ANKS1B: variants seen among roughly 807,000 people sequenced by gnomAD.
ANKS1B encodes the protein ankyrin repeat and sterile alpha motif domain containing 1B, also known as ankyrin repeat and sterile alpha motif domain-containing protein 1B.
Under a neutral mutation model 148.3 loss-of-function variants are expected in ANKS1B, and 36 were observed. The ratio of observed to expected loss-of-function variants is 0.24; its 90% CI spans 0.19 to 0.32. ANKS1B has a LOEUF of 0.32. Among genes scored for constraint, ANKS1B ranks in the 10% least tolerant of loss-of-function variants. ANKS1B has a pLI of 1.00. For synonymous variants in ANKS1B, 542 were observed against 560.8 expected (o/e 0.97, Z 0.47); for missense variants, 1,157 against 1,542.6 (o/e 0.75, Z 4.19).
chr12:99,502,585 A>T (rs1353409287), intron 10 of ANKS1B, among the ~76,000 whole-genome samples: 2 of 152,078 alleles, frequency 1.3e-5, no homozygotes, highest in East Asian at 3.9e-4. Flanking sequence ...AAGTTAGACA[A>T]CTCAAGGTCA....
intron 12 of ANKS1B, among the ~76,000 whole-genome samples, chr12:99,388,599 C>T (rs1029218803): frequency 6.6e-6 from 1 of 152,166 alleles, no homozygotes; most frequent in Non-Finnish European, 1.5e-5. Flanking sequence ...TAGTGGCTTA[C>T]AAGAGCATGC....
intron 1 of ANKS1B, among the ~76,000 whole-genome samples, chr12:99,964,880 C>T (rs781314151): frequency 1.3e-5 from 2 of 152,102 alleles, no homozygotes; most frequent in Admixed American, 6.5e-5. Flanking sequence ...AGGACATTAA[C>T]AGAAGGGAGG....
At chr12:99,394,689 C>T (rs1261937650) in intron 12 of ANKS1B, among the ~76,000 whole-genome samples, 1 of 152,184 alleles carries the variant, frequency 6.6e-6, no homozygotes, top group Non-Finnish European at 1.5e-5. Flanking sequence ...TTCCTTCTAT[C>T]TCACAGGTTG....
chr12:99,713,163 G>A (rs2056860158), intron 8 of ANKS1B, among the ~76,000 whole-genome samples: 1 of 152,010 alleles, frequency 6.6e-6, no homozygotes, highest in East Asian at 1.9e-4. Context: ...TTTATTCCTG[G>A]CTCCTATTGA....
At chr12:99,304,221 A>G (rs2082046832) in intron 12 of ANKS1B, among the ~76,000 whole-genome samples, 1 of 152,158 alleles carries the variant, frequency 6.6e-6, no homozygotes, top group South Asian at 2.1e-4. Flanking sequence ...ACTAGTTTAC[A>G]TTCCCACCAG....
At chr12:99,840,998 A>G (rs988483745) in intron 1 of ANKS1B, among the ~76,000 whole-genome samples, 1 of 152,158 alleles carries the variant, frequency 6.6e-6, no homozygotes, top group Non-Finnish European at 1.5e-5. Context: ...GTGGAATAGC[A>G]TAATGGATAA....
chr12:99,962,438 T>C (rs2095425991), intron 1 of ANKS1B, among the ~76,000 whole-genome samples: 2 of 152,200 alleles, frequency 1.3e-5, no homozygotes, highest in Non-Finnish European at 2.9e-5. Flanking sequence ...ACATTTTCTT[T>C]ATCCAGTCTA....
chr12:98,825,668 C>G (rs1032564596), intron 19 of ANKS1B, among the ~76,000 whole-genome samples: 6 of 149,990 alleles, frequency 4.0e-5, no homozygotes, highest in African/African-American at 1.5e-4. Flanking sequence ...TTTTTTTTTT[C>G]TTGCATGAGT....
chr12:99,358,042 C>T (rs1463568181), intron 12 of ANKS1B, among the ~76,000 whole-genome samples: 1 of 151,990 alleles, frequency 6.6e-6, no homozygotes, highest in East Asian at 1.9e-4. Flanking sequence ...CAATTTTCTA[C>T]TAACATAAGG....
At chr12:99,385,942 G>A (rs974346370) in intron 12 of ANKS1B, among the ~76,000 whole-genome samples, 3 of 152,128 alleles carry the variant, frequency 2.0e-5, no homozygotes, top group East Asian at 1.9e-4. Flanking sequence ...ACTAGGAACC[G>A]AGAGGTTTGT....
chr12:99,072,261 T>C (rs943598536), intron 16 of ANKS1B, among the ~76,000 whole-genome samples: 12 of 152,178 alleles, frequency 7.9e-5, no homozygotes, highest in Admixed American at 2.0e-4. Context: ...CAAAAATGTA[T>C]TGATTTTTGT....
chr12:99,175,558 GCAT>G (rs928701352), intron 14 of ANKS1B, among the ~76,000 whole-genome samples: 1 of 152,152 alleles, frequency 6.6e-6, no homozygotes, highest in Admixed American at 6.6e-5. Context: ...TGGTTGTTTG[GCAT>G]CATCATAATT....
intron 9 of ANKS1B, among the ~76,000 whole-genome samples, chr12:99,641,859 A>AGC (rs2098310845): frequency 6.6e-6 from 1 of 152,124 alleles, no homozygotes; most frequent in Non-Finnish European, 1.5e-5. Context: ...TATTCCGTCT[A>AGC]TTTTTTTAAT....
At chr12:99,824,938 T>C (rs1178448617) in intron 2 of ANKS1B, among the ~76,000 whole-genome samples, 1 of 152,158 alleles carries the variant, frequency 6.6e-6, no homozygotes, top group Non-Finnish European at 1.5e-5. Flanking sequence ...TTTACACTCC[T>C]AGTAAACACT....
At chr12:99,581,656 C>T (rs2097570409) in intron 9 of ANKS1B, among the ~76,000 whole-genome samples, 1 of 150,752 alleles carries the variant, frequency 6.6e-6, no homozygotes. Context: ...TTTGGGAGGC[C>T]GAGGCGGGTG....
At chr12:99,675,015 A>G (rs921782940) in intron 8 of ANKS1B, among the ~76,000 whole-genome samples, 2 of 152,002 alleles carry the variant, frequency 1.3e-5, no homozygotes, top group African/African-American at 2.4e-5. Flanking sequence ...ATGTTTAACT[A>G]CTTTAGTATT....
At chr12:98,790,697 A>G (rs1236125445) in intron 22 of ANKS1B, among the ~76,000 whole-genome samples, 1 of 151,980 alleles carries the variant, frequency 6.6e-6, no homozygotes, top group East Asian at 1.9e-4. Context: ...CTGGCAAAAG[A>G]GAGCAGAAAC....
chr12:99,863,948 C>T (rs1458720718), intron 1 of ANKS1B, among the ~76,000 whole-genome samples: 1 of 151,538 alleles, frequency 6.6e-6, no homozygotes, highest in Non-Finnish European at 1.5e-5. Flanking sequence ...ACATGCCTAT[C>T]ATCCCAGCTA....
At chr12:99,105,718 G>A (rs1382118163) in intron 15 of ANKS1B, among the ~76,000 whole-genome samples, 3 of 141,972 alleles carry the variant, frequency 2.1e-5, no homozygotes, top group South Asian at 2.2e-4. Context: ...GCAGTGAGCC[G>A]AGATCATGCC....
Sources: allele counts gnomAD v4.1 joint callset (sites outside exome capture counted in the v4.1 genomes callset), GRCh38; gene constraint gnomAD v4.1.1; transcripts MANE v1.5; gene names NCBI Gene and HGNC (gene_info 2026-07-23, HGNC 2026-07-21).